Variants in ZFAND6 observed in about 807,000 individuals in gnomAD.
The protein encoded by ZFAND6 is AN1-type zinc finger protein 6.
ZFAND6 carries 12 observed loss-of-function variants against 24.5 expected under a neutral mutation model. That is an observed-to-expected ratio of 0.49 (90% CI 0.31 to 0.79). The LOEUF (loss-of-function observed/expected upper bound fraction) is 0.79. Among genes scored for constraint, ZFAND6 ranks in the 30% least tolerant of loss-of-function variants. ZFAND6 has a pLI of 0.04. For missense variants in ZFAND6, 207 were observed against 245.9 expected, an observed-to-expected ratio of 0.84 and a Z score of 1.06; for synonymous variants, 92 against 81.5, an observed-to-expected ratio of 1.13 and a Z score of -0.69.
chr15:80,082,868 G>T (rs1033985106), intron 1 of ZFAND6, among the ~76,000 whole-genome samples: 1 of 152,004 alleles, frequency 6.6e-6, no homozygotes, highest in African/African-American at 2.4e-5. Flanking sequence ...TTATTCAATT[G>T]AACTGCCCTC....
At chr15:80,125,325 G>T (rs2040330300) in intron 5 of ZFAND6, among the ~76,000 whole-genome samples, 1 of 152,108 alleles carries the variant, frequency 6.6e-6, no homozygotes, top group Non-Finnish European at 1.5e-5. Flanking sequence ...CACTCCATAT[G>T]CTTCCCTCAA....
At chr15:80,060,160 A>T (rs971333135) in intron 1 of ZFAND6, 2 of 151,364 alleles carry the variant, frequency 1.3e-5, no homozygotes, top group Admixed American at 6.6e-5. Flanking sequence ...CGCCGCCCCG[A>T]GCGGGTTGCG....
chr15:80,135,137 C>T (rs1596325529), intron 6 of ZFAND6, among the ~76,000 whole-genome samples: 1 of 152,170 alleles, frequency 6.6e-6, no homozygotes. Flanking sequence ...AGGATGAAGA[C>T]TTTTATGATG....
At chr15:80,131,649 A>G in intron 6 of ZFAND6, 1 of 279,508 alleles carries the variant, frequency 3.6e-6, no homozygotes, top group East Asian at 6.1e-5. Flanking sequence ...AATAGGGCTA[A>G]TCATACGTTG....
At chr15:80,120,592 A>G (rs1343329341) in intron 3 of ZFAND6, 94 bp downstream of exon 3, 7 of 1,077,560 alleles carry the variant, frequency 6.5e-6, no homozygotes, top group East Asian at 3.0e-5. Flanking sequence ...CTCACATTAT[A>G]TTTATATTAC....
intron 2 of ZFAND6, among the ~76,000 whole-genome samples, chr15:80,105,653 A>G (rs1177475682): frequency 6.6e-6 from 1 of 152,216 alleles, no homozygotes; most frequent in Non-Finnish European, 1.5e-5. Context: ...CAGGCTAAGC[A>G]CTTATCTAAG....
chr15:80,118,524 T>C (rs551152851), intron 2 of ZFAND6, among the ~76,000 whole-genome samples: 38 of 152,198 alleles, frequency 2.5e-4, no homozygotes, highest in Non-Finnish European at 4.9e-4. Context: ...TTAGCATTTC[T>C]ATACTGTGCT....
chr15:80,097,351 A>T (rs1335302544), intron 1 of ZFAND6, among the ~76,000 whole-genome samples: 1 of 152,078 alleles, frequency 6.6e-6, no homozygotes, highest in Admixed American at 6.5e-5. Context: ...AATTTTTTTA[A>T]AAATTAAATC....
chr15:80,107,905 G>T (rs1251906856), intron 2 of ZFAND6, among the ~76,000 whole-genome samples: 1 of 152,016 alleles, frequency 6.6e-6, no homozygotes, highest in Non-Finnish European at 1.5e-5. Context: ...CCTCTGAAAG[G>T]ATCTCAAGAA....
intron 1 of ZFAND6, among the ~76,000 whole-genome samples, chr15:80,089,563 T>A (rs551536693): frequency 6.6e-6 from 1 of 152,190 alleles, no homozygotes; most frequent in South Asian, 2.1e-4. Flanking sequence ...GCCTAGCCTT[T>A]GTGTTCTCTT....
chr15:80,080,589 T>C (rs1285422055), intron 1 of ZFAND6, among the ~76,000 whole-genome samples: 2 of 152,202 alleles, frequency 1.3e-5, no homozygotes, highest in East Asian at 3.8e-4. Flanking sequence ...TGATCTCAGG[T>C]AACTGAAACA....
intron 2 of ZFAND6, among the ~76,000 whole-genome samples, chr15:80,118,016 T>TTGTG (rs71455308): frequency 0.067 from 10,007 of 150,376 alleles, 409 homozygotes; most frequent in African/African-American, 0.11. Context: ...AGGTATTGAA[T>TTGTG]TGTGTGTGTG....
intron 2 of ZFAND6, among the ~76,000 whole-genome samples, chr15:80,118,634 A>G (rs1231947830): frequency 6.6e-6 from 1 of 152,216 alleles, no homozygotes; most frequent in Non-Finnish European, 1.5e-5. Context: ...AGTAGCATTT[A>G]TAAAAAGAAA....
chr15:80,097,392 A>G (rs1362766933), intron 1 of ZFAND6, among the ~76,000 whole-genome samples: 1 of 152,164 alleles, frequency 6.6e-6, no homozygotes, highest in African/African-American at 2.4e-5. Context: ...TCATGCCTGT[A>G]ATCCCAACAC....
chr15:80,095,016 A>T (rs1191700695), intron 1 of ZFAND6, among the ~76,000 whole-genome samples: 1 of 151,932 alleles, frequency 6.6e-6, no homozygotes, highest in Non-Finnish European at 1.5e-5. Context: ...CAGGTAATCC[A>T]CCTGCCTCGG....
rs568150348 is a variant in ZFAND6, at chr15:80,065,905, GA to G, written c.-181+6102del. 2.5e-4 allele frequency among the ~76,000 whole-genome samples: 38 copies of G among 152,156 alleles called. No homozygotes were observed. In the East Asian group the frequency reaches 4.6e-3, roughly 19 times the overall value. On this transcript the variant is annotated intron_variant, in intron 1 of 6. Transcript: ENST00000261749. ...TTTATAATATTTTATGTTTTATAATGAAAAAATGTAATCCTATTGAATGTTC... is the reference window on the plus strand; with the variant it reads ...TTTATAATATTTTATGTTTTATAATGAAAAATGTAATCCTATTGAATGTTC...
chr15:80,134,752 GACT>G (rs1291647748), intron 6 of ZFAND6, among the ~76,000 whole-genome samples: 4 of 152,162 alleles, frequency 2.6e-5, no homozygotes. Flanking sequence ...TGATGGAGAT[GACT>G]GCTTCCAAAC....
At chr15:80,068,403 G>A (rs778901795) in intron 1 of ZFAND6, among the ~76,000 whole-genome samples, 20 of 145,204 alleles carry the variant, frequency 1.4e-4, no homozygotes, top group Non-Finnish European at 2.1e-4. Context: ...ATGGAGTCTC[G>A]CTCTGTTGCC....
At chr15:80,068,560 C>G (rs1211079754) in intron 1 of ZFAND6, among the ~76,000 whole-genome samples, 1 of 152,088 alleles carries the variant, frequency 6.6e-6, no homozygotes, top group Admixed American at 6.5e-5. Flanking sequence ...TAAGTAGAGA[C>G]TGGGTTTCGC....
Sources: gnomAD v4.1 joint callset for allele counts (sites outside exome capture counted in the v4.1 genomes callset) on GRCh38, gnomAD v4.1.1 for gene constraint, MANE v1.5 for transcripts, NCBI Gene and HGNC (gene_info 2026-07-23, HGNC 2026-07-21) for gene names.